Variants in CEACAM4 observed in about 807,000 individuals in gnomAD.
The protein encoded by CEACAM4 is cell adhesion molecule CEACAM4.
Under a neutral mutation model 28.7 loss-of-function variants are expected in CEACAM4, and 30 were observed. The observed-to-expected ratio is 1.05, with a 90% CI of 0.78 to 1.42. CEACAM4 has a LOEUF of 1.42. Ranked by LOEUF, CEACAM4 falls within the 40% of genes most tolerant of loss-of-function variation. CEACAM4 has a pLI of 0.00. For synonymous variants in CEACAM4, 143 were observed against 126.5 expected (o/e 1.13, Z -0.87); for missense variants, 330 against 308.2 (o/e 1.07, Z -0.53).
chr19:41,617,628 G>A (rs1229706040), downstream of CEACAM4, among the ~76,000 whole-genome samples: 1 of 152,270 alleles, frequency 6.6e-6, no homozygotes, highest in Admixed American at 6.5e-5. Flanking sequence ...GGAGGAGGTG[G>A]AGATGTGGGG....
chr19:41,616,610 A>G (rs981856402), downstream of CEACAM4, among the ~76,000 whole-genome samples: 3 of 152,136 alleles, frequency 2.0e-5, no homozygotes, highest in South Asian at 6.2e-4. Context: ...GGAAAGAACA[A>G]GCAGATGGCA....
chr19:41,624,233 G>T (rs559516012), intron 2 of CEACAM4, among the ~76,000 whole-genome samples: 4 of 152,178 alleles, frequency 2.6e-5, no homozygotes, highest in Admixed American at 6.5e-5. Context: ...CTCTGAAGAG[G>T]TTATAGATCA....
At chr19:41,621,332 C>T (rs1355642941) in intron 3 of CEACAM4, among the ~76,000 whole-genome samples, 6 of 152,142 alleles carry the variant, frequency 3.9e-5, no homozygotes, top group African/African-American at 1.4e-4. Flanking sequence ...ATTCAATGAA[C>T]AGCAGAAGGT....
At chr19:41,622,893 GAT>G (rs2071393663) in intron 2 of CEACAM4, among the ~76,000 whole-genome samples, 1 of 125,696 alleles carries the variant, frequency 8.0e-6, no homozygotes, top group Non-Finnish European at 1.6e-5. Flanking sequence ...TAGATAGATA[GAT>G]AGATATAGTA....
chr19:41,625,725 T>C lies in CEACAM4; in HGVS notation c.300A>G (p.Thr100=). The C allele has an allele frequency of 6.2e-7, 1 of 1,614,100 alleles. No homozygotes were observed. Among genetic ancestry groups the C allele is most frequent in the Non-Finnish European group, 8.5e-7 (1 of 1,179,974 alleles). ...IPGAAYSGRE[T]VYPNGSLLFQ... ...ACAGCAGGGATCCATTGGGGTATAC[T>C]GTCTCTCGACCACTGTATGCGGCCC... The change falls in exon 2 of 7, where the codon ACA becomes ACG. Residue 100 remains threonine, a synonymous_variant. Coordinates refer to ENST00000221954, the MANE Select transcript of CEACAM4 (RefSeq NM_001817.4).
At chr19:41,620,452 T>C in intron 4 of CEACAM4, 123 bp downstream of exon 4, 1 of 939,880 alleles carries the variant, frequency 1.1e-6, no homozygotes, top group Non-Finnish European at 1.6e-6. Flanking sequence ...CTGTGTCATG[T>C]TTCCTGACAT....
At position 41,619,041 on chromosome 19, in the gene CEACAM4, A is replaced by G. The variant is rs1449543953; in HGVS notation, c.*289T>C. The G allele has an allele frequency of 4.3e-6, 2 of 467,118 alleles. No individual in the cohort carries two copies. Among genetic ancestry groups the G allele is most frequent in the African/African-American group, 4.0e-5 (2 of 49,706 alleles). 28.9% of individuals were successfully genotyped at this position (467,118 alleles called of 1,614,324 possible). A position where few individuals can be genotyped will look rare whatever the true frequency, so the allele number is the denominator to read the frequency against. On this transcript the variant is annotated 3_prime_UTR_variant, in exon 7 of 7. Transcript: ENST00000221954. ...GAGAGGAAGGGTCCTCTTTATTCAG[A>G]TCCTTTCCTGGTGACCCCGGGTGGG...
chr19:41,623,419 A>ATTTTTTTTTTTT (rs57004828), intron 2 of CEACAM4, among the ~76,000 whole-genome samples: 1 of 105,058 alleles, frequency 9.5e-6, no homozygotes, highest in Admixed American at 1.0e-4. Flanking sequence ...TTCGAACTGC[A>ATTTTTTTTTTTT]TTTTTTTTTT....
rs1041992 is a variant in CEACAM4, at chr19:41,625,899, C to T, written c.126G>A (p.Pro42=). 96,719 of 1,613,336 alleles carry T rather than the reference C, an allele frequency of 0.06. 13,940 individuals carry two copies. In the East Asian group the frequency reaches 0.69, roughly 11 times the overall value. ...TTVQFTIEAL[P]SSAAEGKDVL... ...CATCCTTTCCCTCTGCAGCACTGGACGGCAGGGCTTCAATAGTGAACTGGA... is the reference window on the plus strand; with the variant it reads ...CATCCTTTCCCTCTGCAGCACTGGATGGCAGGGCTTCAATAGTGAACTGGA... Residue 42 remains proline (P), a synonymous_variant, in exon 2 of 7, where the codon CCG becomes CCA. Transcript: ENST00000221954.
intron 4 of CEACAM4, 104 bp downstream of exon 4, chr19:41,620,471 C>T (rs1600350647): frequency 3.9e-6 from 4 of 1,016,376 alleles, no homozygotes; most frequent in South Asian, 3.1e-5. Context: ...ATCCTCCTTG[C>T]AGCCCCAAAG....
intron 2 of CEACAM4, among the ~76,000 whole-genome samples, chr19:41,623,419 A>ATTTTTTTTTTTTTTTTTTTTTTTTTCCT (rs57004828): frequency 9.5e-6 from 1 of 105,060 alleles, no homozygotes. Flanking sequence ...TTCGAACTGC[A>ATTTTTTTTTTTTTTTTTTTTTTTTTCCT]TTTTTTTTTT....
At position 41,625,743 on chromosome 19, in the gene CEACAM4, T is replaced by G. The variant is rs377399854; in HGVS notation, c.282A>C (p.Ala94=). 5 of 1,614,028 alleles carry G rather than the reference T, an allele frequency of 3.1e-6. No individual in the cohort carries two copies. The highest frequency in any genetic ancestry group is 4.2e-6 in the Non-Finnish European group (5 of 1,179,970). Residue 94 remains alanine, a synonymous_variant, in exon 2 of 7, where the codon GCA becomes GCC. Transcript: ENST00000221954. ...GGTATACTGTCTCTCGACCACTGTA[T>G]GCGGCCCCTGGGATATTTGCTTGAA... is the stretch of plus-strand genomic sequence containing the variant. ...TDIQANIPGA[A]YSGRETVYPN...
chr19:41,620,385 G>T, intron 4 of CEACAM4, 143 bp from the exon 5 acceptor site: 1 of 905,886 alleles, frequency 1.1e-6, no homozygotes, highest in Non-Finnish European at 1.6e-6. Context: ...TGAGGTCGAG[G>T]AGGTGACCCA....
chr19:41,622,405 A>G (rs1373707236), intron 2 of CEACAM4, among the ~76,000 whole-genome samples: 1 of 151,984 alleles, frequency 6.6e-6, no homozygotes, highest in African/African-American at 2.4e-5. Context: ...TTTCCATTCC[A>G]TGATTGTCAC....
chr19:41,626,045 C>G, intron 1 of CEACAM4, 85 bp from the exon 2 acceptor site: 1 of 1,234,580 alleles, frequency 8.1e-7, no homozygotes. Context: ...AGCAGGTCTC[C>G]TCATCCCTCA....
chr19:41,617,328 G>T (rs1363634561), downstream of CEACAM4, among the ~76,000 whole-genome samples: 1 of 152,198 alleles, frequency 6.6e-6, no homozygotes, highest in East Asian at 1.9e-4. Context: ...GGGTGCTGGG[G>T]ATGTTAATGC....
At chr19:41,622,835 AGCATATATAT>A (rs2071374320) in intron 2 of CEACAM4, among the ~76,000 whole-genome samples, 1 of 142,376 alleles carries the variant, frequency 7.0e-6, no homozygotes, top group South Asian at 2.3e-4. Flanking sequence ...TTTGATCTCT[AGCATATATAT>A]ACATATATAT....
At chr19:41,625,443 G>T in intron 2 of CEACAM4, 158 bp downstream of exon 2, 2 of 858,444 alleles carry the variant, frequency 2.3e-6, no homozygotes, top group Admixed American at 2.4e-5. Context: ...CTGATCTGTT[G>T]AAGTTTACCT....
chr19:41,622,431 A>G (rs1288718501), intron 2 of CEACAM4, among the ~76,000 whole-genome samples: 2 of 152,086 alleles, frequency 1.3e-5, no homozygotes, highest in Non-Finnish European at 2.9e-5. Context: ...GCGAGCCCTC[A>G]CTGTCAACTC....
Sources: gnomAD v4.1 joint callset for allele counts (sites outside exome capture counted in the v4.1 genomes callset) on GRCh38, gnomAD v4.1.1 for gene constraint, MANE v1.5 for transcripts, NCBI Gene and HGNC (gene_info 2026-07-23, HGNC 2026-07-21) for gene names.